Variants in LRRC39 observed in about 807,000 individuals in gnomAD.
LRRC39 encodes leucine rich repeat containing 39, also known as leucine-rich repeat-containing protein 39.
In LRRC39, 35 loss-of-function variants were observed where a neutral mutation model predicts 39.7. That is an observed-to-expected ratio of 0.88 (90% CI 0.67 to 1.17). The LOEUF (loss-of-function observed/expected upper bound fraction) is 1.17, where lower values mean the gene tolerates loss of function less well. Ranked by LOEUF, LRRC39 falls within the 50% of genes most tolerant of loss-of-function variation. LRRC39 has a pLI of 0.00. For missense variants in LRRC39, 357 were observed against 385.8 expected (o/e 0.93, Z 0.62); for synonymous variants, 113 against 134.1 (o/e 0.84, Z 1.09).
chr1:100,164,293 A>G (rs954557430), intron 3 of LRRC39, among the ~76,000 whole-genome samples: 1 of 152,166 alleles, frequency 6.6e-6, no homozygotes, highest in Non-Finnish European at 1.5e-5. Flanking sequence ...ATTAGATTAC[A>G]TTCTTACCCT....
At position 100,159,257 on chromosome 1, in the gene LRRC39, A is replaced by C. The variant is rs1454709334; in HGVS notation, c.376+2T>G. 6.3e-7 allele frequency: 1 copy of C among 1,587,376 alleles called. No homozygotes were observed. Among genetic ancestry groups the C allele is most frequent in the Admixed American group, 1.8e-5 (1 of 55,908 alleles). ...CACAGGAATAAAAGTAATCTTTCTT[A>C]CCAATCCCTGGTGGTATCTCTGAAA... On this transcript the variant is annotated splice_donor_variant, in intron 5 of 9. Coordinates refer to ENST00000370137, the MANE Select transcript of LRRC39 (RefSeq NM_144620.4). LOFTEE classifies it high-confidence loss of function.
chr1:100,164,440 C>T lies in LRRC39; in HGVS notation c.114-3869G>A, dbSNP rs114390249. Among the ~76,000 whole-genome samples, 436 of 152,320 alleles carry T rather than the reference C, an allele frequency of 2.9e-3. 3 individuals carry two copies. The highest frequency in any genetic ancestry group is 0.01 in the African/African-American group (420 of 41,570). On this transcript the variant is annotated intron_variant, in intron 3 of 9. Transcript: ENST00000370137. ...TTAGAGATCCAGACTCTTGGTCCTACTCCAGACTTACTAACCCAGAAGCTA... is the reference window on the plus strand; with the variant it reads ...TTAGAGATCCAGACTCTTGGTCCTATTCCAGACTTACTAACCCAGAAGCTA...
intron 1 of LRRC39, among the ~76,000 whole-genome samples, chr1:100,175,634 A>T (rs1470358876): frequency 6.6e-6 from 1 of 152,230 alleles, no homozygotes; most frequent in Non-Finnish European, 1.5e-5. Flanking sequence ...GGCAATATAT[A>T]TAACCACCAA....
chr1:100,168,501 C>T lies in LRRC39; in HGVS notation c.16G>A (p.Val6Ile), dbSNP rs760260984. The change falls in exon 3 of 10, where the codon GTT (valine) becomes ATT (isoleucine). Residue 6 changes from valine to isoleucine, a missense_variant. Transcript: ENST00000370137. Reference sequence around the variant, plus strand: ...ACAGCATTGACAGCCCCAGTACAAACCACATTTTCTGTCATGATTTCTCCA... The same window carrying T: ...ACAGCATTGACAGCCCCAGTACAAATCACATTTTCTGTCATGATTTCTCCA... MTENV[V>I]CTGAVNAVKE... 1.6e-5 allele frequency: 25 copies of T among 1,609,304 alleles called. No individual in the cohort carries two copies. The highest frequency in any genetic ancestry group is 2.2e-5 in the East Asian group (1 of 44,690).
intron 1 of LRRC39, among the ~76,000 whole-genome samples, chr1:100,174,851 A>G (rs761626511): frequency 3.3e-5 from 5 of 152,154 alleles, no homozygotes; most frequent in Admixed American, 1.3e-4. Context: ...ACCAAATCTC[A>G]TGTTGAACTG....
chr1:100,173,649 G>T (rs144086285), intron 1 of LRRC39, among the ~76,000 whole-genome samples: 138 of 152,136 alleles, frequency 9.1e-4, no homozygotes, highest in East Asian at 1.9e-4. Context: ...GAAATAAAAG[G>T]CTTAAAGTTT....
At chr1:100,167,644 A>G (rs1395516370) in intron 3 of LRRC39, among the ~76,000 whole-genome samples, 1 of 151,928 alleles carries the variant, frequency 6.6e-6, no homozygotes, top group Non-Finnish European at 1.5e-5. Flanking sequence ...GTGTGGTGGC[A>G]TGCGCCTGTA....
chr1:100,154,930 T>C, intron 8 of LRRC39, 121 bp downstream of exon 8: 1 of 880,426 alleles, frequency 1.1e-6, no homozygotes, highest in Non-Finnish European at 1.6e-6. Flanking sequence ...GAAAAGATTT[T>C]TAAGATATCC....
chr1:100,149,257 A>G, intron 9 of LRRC39, 160 bp from the exon 10 acceptor site: 1 of 1,515,288 alleles, frequency 6.6e-7, no homozygotes, highest in East Asian at 2.5e-5. Flanking sequence ...TTTGACTTAT[A>G]TGTGGACATT....
chr1:100,154,946 C>T (rs2101767643), intron 8 of LRRC39, 105 bp downstream of exon 8: 1 of 1,083,180 alleles, frequency 9.2e-7, no homozygotes, highest in Non-Finnish European at 1.3e-6. Flanking sequence ...TATCCATTCA[C>T]ATAAATAACA....
chr1:100,177,784 C>G (rs1277130248), intron 1 of LRRC39, among the ~76,000 whole-genome samples: 1 of 152,176 alleles, frequency 6.6e-6, no homozygotes, highest in African/African-American at 2.4e-5. Flanking sequence ...CCAACTTCCC[C>G]TAGGGAAACA....
intron 2 of LRRC39, among the ~76,000 whole-genome samples, chr1:100,170,107 C>A (rs1659492317): frequency 6.6e-6 from 1 of 151,978 alleles, no homozygotes; most frequent in African/African-American, 2.4e-5. Flanking sequence ...GAAAAGTGGA[C>A]AGTACAAGAA....
chr1:100,157,214 T>A (rs1402849335), intron 6 of LRRC39, among the ~76,000 whole-genome samples: 3 of 152,172 alleles, frequency 2.0e-5, no homozygotes, highest in African/African-American at 7.2e-5. Flanking sequence ...TTCCCATGTG[T>A]TGTGGGAGGG....
In LRRC39 at chr1:100,149,074, T is replaced by C. The variant is rs760123779; in HGVS notation, c.976A>G (p.Thr326Ala). The C allele has an allele frequency of 3.6e-5, 57 of 1,602,836 alleles. 1 individual carries two copies. In the Admixed American group the frequency reaches 9.9e-4, roughly 28 times the overall value. ...TCCGTATTTATGGAGATTGGTAAAG[T>C]AGTTGAACCGTTGACTTGGTGATCT... ...RADHQVNGST[T>A]LPISINTDG is the part of the protein sequence containing the mutation. The change falls in exon 10 of 10, where the codon ACT (threonine) becomes GCT (alanine). Residue 326 changes from threonine to alanine, a missense_variant. Transcript: ENST00000370137.
At chr1:100,152,557 G>A (rs759683434) in intron 8 of LRRC39, 33 bp from the exon 9 acceptor site, 3 of 1,605,778 alleles carry the variant, frequency 1.9e-6, no homozygotes, top group Non-Finnish European at 2.6e-6. Context: ...TATTTTTATA[G>A]GTGTCATGGA....
chr1:100,166,817 GT>G (rs1439645795), intron 3 of LRRC39, among the ~76,000 whole-genome samples: 4 of 152,118 alleles, frequency 2.6e-5, no homozygotes, highest in African/African-American at 7.2e-5. Context: ...CAAGACAATG[GT>G]TTTATAAGAG....
intron 3 of LRRC39, among the ~76,000 whole-genome samples, chr1:100,161,941 C>T (rs72973720): frequency 0.033 from 5,086 of 152,274 alleles, 308 homozygotes; most frequent in African/African-American, 0.12. Flanking sequence ...ACCACTGTGC[C>T]TGGCTATGTT....
intron 3 of LRRC39, among the ~76,000 whole-genome samples, chr1:100,167,778 AAATAATAATAATAATAATAATAAT>A (rs5776500): frequency 7.3e-6 from 1 of 137,398 alleles, no homozygotes; most frequent in Non-Finnish European, 1.6e-5. Context: ...TCCATTTCAA[AAATAATAATAATAATAATAATAAT>A]AATAATAATA....
At chr1:100,178,715 T>C (rs1660105208), upstream of LRRC39, among the ~76,000 whole-genome samples, 1 of 152,238 alleles carries the variant, frequency 6.6e-6, no homozygotes, top group Admixed American at 6.5e-5. Context: ...TCAGCTTTCA[T>C]AGATAGGACT....
Sources: gnomAD v4.1 joint callset for allele counts (sites outside exome capture counted in the v4.1 genomes callset) on GRCh38, gnomAD v4.1.1 for gene constraint, MANE v1.5 for transcripts, NCBI Gene and HGNC (gene_info 2026-07-23, HGNC 2026-07-21) for gene names.